FARP1: variants seen among roughly 807,000 people sequenced by gnomAD.
FARP1 encodes FERM, ARH/RhoGEF and pleckstrin domain protein 1.
In FARP1, 52 loss-of-function variants were observed where a neutral mutation model predicts 128.8. The ratio of observed to expected loss-of-function variants is 0.40; its 90% CI spans 0.32 to 0.51. The LOEUF (loss-of-function observed/expected upper bound fraction) is 0.51, where lower values mean the gene tolerates loss of function less well. Among genes scored for constraint, FARP1 ranks in the 20% least tolerant of loss-of-function variants. The pLI is 0.45. For synonymous variants in FARP1, 580 were observed against 551.8 expected, an observed-to-expected ratio of 1.05 and a Z score of -0.72; for missense variants, 1,333 against 1,367.9, an observed-to-expected ratio of 0.97 and a Z score of 0.40.
intron 2 of FARP1, among the ~76,000 whole-genome samples, chr13:98,237,456 A>G (rs1375245197): frequency 6.6e-6 from 1 of 152,236 alleles, no homozygotes; most frequent in Non-Finnish European, 1.5e-5. Context: ...ACACTATACT[A>G]CTGTCCCAGT....
rs1168633103 is a variant in FARP1 at position 98,452,090 on chromosome 13, A to C, written c.*3773A>C. The C allele has an allele frequency of 6.6e-6, 1 of 152,240 alleles. No homozygotes were observed. The highest frequency in any genetic ancestry group is 2.4e-5 in the African/African-American group (1 of 41,456). The allele number at this position is 152,240 out of a possible 1,614,324, so 9.4% of individuals were successfully genotyped here. ...CACACACACACAGCCACGAGTACAC[A>C]CGCACGGCCACACATACACAGCAGG... On this transcript the variant is annotated 3_prime_UTR_variant, in exon 27 of 27. Coordinates refer to ENST00000319562, the MANE Select transcript of FARP1 (RefSeq NM_005766.4).
At chr13:98,156,936 A>G (rs1194282659) in intron 1 of FARP1, among the ~76,000 whole-genome samples, 2 of 152,152 alleles carry the variant, frequency 1.3e-5, no homozygotes, top group Admixed American at 1.3e-4. Flanking sequence ...CAAAAACCAA[A>G]TTCCTCATCT....
intron 2 of FARP1, among the ~76,000 whole-genome samples, chr13:98,335,453 G>A (rs1005130890): frequency 6.6e-6 from 1 of 152,088 alleles, no homozygotes; most frequent in Non-Finnish European, 1.5e-5. Flanking sequence ...GAACAGCATG[G>A]GAAGTACCTG....
Position 98,170,047 on chromosome 13 carries a change from A to G in FARP1, c.-24+26555A>G, listed in dbSNP as rs539283177. Among the ~76,000 whole-genome samples, 112 of 152,276 alleles carry G rather than the reference A, an allele frequency of 7.4e-4. 1 individual carries two copies. In the South Asian group the frequency reaches 0.013, roughly 18 times the overall value. ...AAACTAATATAGAAATAAAACTTTC[A>G]ATTATCCATATTATCAATTTTGGGG... On this transcript the variant is annotated intron_variant, in intron 1 of 26. Transcript: ENST00000319562.
intron 1 of FARP1, among the ~76,000 whole-genome samples, chr13:98,212,868 G>A: frequency 6.6e-6 from 1 of 152,186 alleles, no homozygotes; most frequent in African/African-American, 2.4e-5. Context: ...GGATGCTAAT[G>A]ATATGGTTTA....
At chr13:98,261,279 A>G (rs961083340) in intron 2 of FARP1, among the ~76,000 whole-genome samples, 2 of 151,894 alleles carry the variant, frequency 1.3e-5, no homozygotes, top group Admixed American at 6.6e-5. Context: ...TGTGTGGGCG[A>G]CCCCTGGCCC....
intron 1 of FARP1, among the ~76,000 whole-genome samples, chr13:98,205,195 G>A (rs1348209555): frequency 1.3e-5 from 2 of 152,082 alleles, no homozygotes; most frequent in Non-Finnish European, 2.9e-5. Flanking sequence ...AATTATCTTT[G>A]TGGTGATCAT....
chr13:98,303,634 C>G (rs1281978706), intron 2 of FARP1, among the ~76,000 whole-genome samples: 1 of 152,148 alleles, frequency 6.6e-6, no homozygotes, highest in East Asian at 1.9e-4. Context: ...TTGTCGTCTT[C>G]TGAAATGCTC....
chr13:98,260,321 C>G (rs1440770792), intron 2 of FARP1, among the ~76,000 whole-genome samples: 5 of 152,224 alleles, frequency 3.3e-5, no homozygotes, highest in African/African-American at 4.8e-5. Context: ...CAAGGTGTTA[C>G]TAATCATGGG....
intron 2 of FARP1, among the ~76,000 whole-genome samples, chr13:98,283,437 A>G (rs889824176): frequency 9.2e-5 from 14 of 152,230 alleles, no homozygotes; most frequent in Admixed American, 4.6e-4. Flanking sequence ...AAGCCTAAGG[A>G]TGCAGCAGAG....
chr13:98,402,807 GTT>G (rs1890826906), intron 13 of FARP1: 1 of 121,786 alleles, frequency 8.2e-6, no homozygotes, highest in Admixed American at 7.8e-5. Flanking sequence ...ATTCCCTTCT[GTT>G]CTCTCTGTGT....
chr13:98,354,521 A>G (rs998747643), intron 3 of FARP1, among the ~76,000 whole-genome samples: 1 of 152,214 alleles, frequency 6.6e-6, no homozygotes, highest in African/African-American at 2.4e-5. Flanking sequence ...TGATGAGAGG[A>G]AAGTTTACAA....
chr13:98,380,966 C>G (rs1889869379), intron 6 of FARP1, among the ~76,000 whole-genome samples: 2 of 152,080 alleles, frequency 1.3e-5, no homozygotes, highest in African/African-American at 4.8e-5. Flanking sequence ...ACTTGCATAT[C>G]TGGGAGTGGA....
At chr13:98,159,790 T>A (rs1201597537) in intron 1 of FARP1, among the ~76,000 whole-genome samples, 1 of 152,168 alleles carries the variant, frequency 6.6e-6, no homozygotes, top group Non-Finnish European at 1.5e-5. Flanking sequence ...TTTTAAAAAA[T>A]ATTCATTACA....
chr13:98,246,935 C>T (rs1207178777), intron 2 of FARP1, among the ~76,000 whole-genome samples: 1 of 152,198 alleles, frequency 6.6e-6, no homozygotes, highest in East Asian at 1.9e-4. Context: ...AAGAAGGCAG[C>T]TGTTCCTTGG....
chr13:98,415,365 G>C (rs1891336012), intron 16 of FARP1, among the ~76,000 whole-genome samples: 1 of 152,218 alleles, frequency 6.6e-6, no homozygotes, highest in Admixed American at 6.5e-5. Context: ...ATGATTCCTT[G>C]GTTTGCATGC....
At position 98,379,136 on chromosome 13, in the gene FARP1, A is replaced by G. The variant is rs1487415308; in HGVS notation, c.496+1218A>G. On this transcript the variant is annotated intron_variant, in intron 6 of 26. Coordinates refer to ENST00000319562, the MANE Select transcript of FARP1 (RefSeq NM_005766.4). The stretch of plus-strand genomic sequence containing the variant: ...AATCTATATATAATATATATATAAT[A>G]TATAATCTATATATAATATATATAT... Among the ~76,000 whole-genome samples the G allele has an allele frequency of 2.1e-5, 2 of 94,566 alleles. 1 individual carries two copies. Among genetic ancestry groups the G allele is most frequent in the African/African-American group, 1.1e-4 (2 of 17,560 alleles). 62.0% of individuals were successfully genotyped at this position (94,566 alleles called of 152,430 possible).
intron 14 of FARP1, among the ~76,000 whole-genome samples, 175 bp from the exon 15 acceptor site, chr13:98,410,559 A>AT (rs370650791): frequency 6.6e-6 from 1 of 152,298 alleles, no homozygotes; most frequent in African/African-American, 2.4e-5. Context: ...CAAAAAGGAG[A>AT]ATACATTCTT....
intron 19 of FARP1, chr13:98,435,928 C>T (rs2139085978): frequency 3.2e-6 from 2 of 633,520 alleles, no homozygotes; most frequent in South Asian, 3.1e-5. Context: ...GCTTTTTCTC[C>T]TTACGGGGTG....
Sources: gnomAD v4.1 joint callset for allele counts (sites outside exome capture counted in the v4.1 genomes callset) on GRCh38, gnomAD v4.1.1 for gene constraint, MANE v1.5 for transcripts, NCBI Gene and HGNC (gene_info 2026-07-23, HGNC 2026-07-21) for gene names.